Variants in MARCHF8 observed in about 807,000 individuals in gnomAD.
MARCHF8 encodes the protein membrane associated ring-CH-type finger 8.
In MARCHF8, 40 loss-of-function variants were observed where a neutral mutation model predicts 51.6. The ratio of observed to expected loss-of-function variants is 0.77; its 90% CI spans 0.60 to 1.01. MARCHF8 has a LOEUF of 1.01. Ranked by LOEUF, MARCHF8 falls within the 50% of genes least tolerant of loss-of-function variation. The pLI is 0.00. For missense variants in MARCHF8, 685 were observed against 708.6 expected, an observed-to-expected ratio of 0.97 and a Z score of 0.38; for synonymous variants, 263 against 280.3, an observed-to-expected ratio of 0.94 and a Z score of 0.62.
chr10:45,568,612 G>A (rs1014735461), intron 1 of MARCHF8, among the ~76,000 whole-genome samples: 3 of 151,702 alleles, frequency 2.0e-5, no homozygotes, highest in Admixed American at 2.0e-4. Context: ...CCAGCTACTC[G>A]GGAGACTGAG....
intron 2 of MARCHF8, among the ~76,000 whole-genome samples, chr10:45,499,540 GTTTTC>G (rs537473867): frequency 6.6e-6 from 1 of 151,986 alleles, no homozygotes; most frequent in African/African-American, 2.4e-5. Flanking sequence ...CTTTCCCTAG[GTTTTC>G]TTTTAAGAAT....
intron 1 of MARCHF8, among the ~76,000 whole-genome samples, chr10:45,547,191 A>T (rs1427005404): frequency 1.3e-5 from 2 of 152,268 alleles, no homozygotes; most frequent in African/African-American, 4.8e-5. Flanking sequence ...AAACAGATAA[A>T]GTATATGAAG....
intron 2 of MARCHF8, among the ~76,000 whole-genome samples, chr10:45,515,213 CTT>C (rs1489522596): frequency 6.6e-6 from 1 of 152,206 alleles, no homozygotes; most frequent in African/African-American, 2.4e-5. Context: ...CCAAGACAAA[CTT>C]GAACCAGAGA....
chr10:45,594,009 TTTTA>T (rs1230419834), intron 1 of MARCHF8, among the ~76,000 whole-genome samples: 1 of 152,168 alleles, frequency 6.6e-6, no homozygotes, highest in African/African-American at 2.4e-5. Context: ...AGGGTTCCAT[TTTTA>T]TTTATTTATT....
chr10:45,459,336 TAGG>T, intron 6 of MARCHF8, 69 bp from the exon 7 acceptor site: 2 of 1,521,460 alleles, frequency 1.3e-6, no homozygotes, highest in East Asian at 2.4e-5. Flanking sequence ...GAGAGCATTG[TAGG>T]TAGGTAAGAT....
intron 3 of MARCHF8, among the ~76,000 whole-genome samples, chr10:45,466,898 A>G (rs1367760145): frequency 6.6e-6 from 1 of 152,234 alleles, no homozygotes; most frequent in Non-Finnish European, 1.5e-5. Context: ...AGGAGGGCAG[A>G]GCCTCGTAAC....
intron 3 of MARCHF8, among the ~76,000 whole-genome samples, chr10:45,480,097 C>A (rs1008807258): frequency 2.6e-5 from 4 of 152,092 alleles, no homozygotes; most frequent in African/African-American, 9.7e-5. Flanking sequence ...TATGTTTTAG[C>A]AAAGAGACTG....
intron 2 of MARCHF8, among the ~76,000 whole-genome samples, chr10:45,529,660 A>G (rs1483610563): frequency 6.6e-6 from 1 of 152,258 alleles, no homozygotes; most frequent in Non-Finnish European, 1.5e-5. Context: ...GCATGAACAC[A>G]TATTTTGCAA....
At chr10:45,541,328 C>A (rs1416596939) in intron 1 of MARCHF8, among the ~76,000 whole-genome samples, 1 of 151,980 alleles carries the variant, frequency 6.6e-6, no homozygotes, top group African/African-American at 2.4e-5. Flanking sequence ...GGACAAAAAA[C>A]CAAACACCAC....
intron 3 of MARCHF8, among the ~76,000 whole-genome samples, chr10:45,469,059 T>C (rs1843068783): frequency 6.6e-6 from 1 of 152,110 alleles, no homozygotes; most frequent in South Asian, 2.1e-4. Flanking sequence ...CCCATCACCT[T>C]GGAGCTGAGG....
chr10:45,478,568 TAA>T (rs3086168), intron 3 of MARCHF8, among the ~76,000 whole-genome samples: 1 of 130,056 alleles, frequency 7.7e-6, no homozygotes. Context: ...AAATAGGAGC[TAA>T]AAAAAAAAAA....
At chr10:45,494,917 C>T (rs1340581575) in intron 2 of MARCHF8, among the ~76,000 whole-genome samples, 2 of 152,064 alleles carry the variant, frequency 1.3e-5, no homozygotes, top group Admixed American at 1.3e-4. Flanking sequence ...GTCAGGAGTT[C>T]GAGACCAGCC....
At chr10:45,539,654 C>G (rs1243792334), upstream of MARCHF8, among the ~76,000 whole-genome samples, 1 of 152,166 alleles carries the variant, frequency 6.6e-6, no homozygotes, top group Non-Finnish European at 1.5e-5. Flanking sequence ...ACTGATCCCA[C>G]AGAAATACCA....
chr10:45,461,348 G>A lies in MARCHF8; in HGVS notation c.1152C>T (p.Ser384=), dbSNP rs766641595. 6.2e-7 allele frequency: 1 copy of A among 1,607,070 alleles called. No individual in the cohort carries two copies. The highest frequency in any genetic ancestry group is 1.1e-5 in the South Asian group (1 of 90,032). ...PLITPCHCTG[S]LHFVHQACLQ... ...GGCAGGCCTGGTGCACGAAGTGGAG[G>A]CTTCCTGTGCAGTGGCAGGGGGTGA... is the stretch of plus-strand genomic sequence containing the variant. The change falls in exon 6 of 8, where the codon AGC becomes AGT. Residue 384 remains serine (S), a synonymous_variant. Transcript: ENST00000453424.
Position 45,495,741 on chromosome 10 carries a change from AGGAGG to A in MARCHF8, c.103-6329_103-6325del, listed in dbSNP as rs1278290916. On this transcript the variant is annotated intron_variant, in intron 2 of 7. Coordinates refer to ENST00000453424, the MANE Select transcript of MARCHF8 (RefSeq NM_001282866.2). ...AAGCTTTCTTATCTCTTAATTTGTT[AGGAGG>A]GGAGGGGAGGGGAGGGGAGGGGATG... Among the ~76,000 whole-genome samples the A allele has an allele frequency of 9.0e-3, 510 of 56,730 alleles. 6 individuals are homozygous for A. Among genetic ancestry groups the A allele is most frequent in the Admixed American group, 0.023 (86 of 3,726 alleles). 37.2% of individuals were successfully genotyped at this position (56,730 alleles called of 152,430 possible). A position where few individuals can be genotyped will look rare whatever the true frequency, so the allele number is the denominator to read the frequency against.
intron 1 of MARCHF8, among the ~76,000 whole-genome samples, chr10:45,580,788 C>T (rs75820736): frequency 6.6e-6 from 1 of 152,126 alleles, no homozygotes; most frequent in East Asian, 1.9e-4. Flanking sequence ...GTATTGTGCG[C>T]TAGGACCACC....
At chr10:45,583,938 G>A (rs1423692425) in intron 1 of MARCHF8, among the ~76,000 whole-genome samples, 5 of 148,822 alleles carry the variant, frequency 3.4e-5, no homozygotes, top group Admixed American at 6.7e-5. Flanking sequence ...CTGGAGGGGC[G>A]GAGGTTGCAG....
At chr10:45,571,849 A>G (rs1197387557) in intron 1 of MARCHF8, among the ~76,000 whole-genome samples, 1 of 152,082 alleles carries the variant, frequency 6.6e-6, no homozygotes, top group Non-Finnish European at 1.5e-5. Context: ...TCTGGTAGAG[A>G]CAAAGGAGAC....
chr10:45,469,815 A>G (rs1843104953), intron 3 of MARCHF8, among the ~76,000 whole-genome samples: 1 of 128,832 alleles, frequency 7.8e-6, no homozygotes, highest in Non-Finnish European at 1.6e-5. Flanking sequence ...CAGTGAGCCG[A>G]GATCGCGCCA....
Sources: allele counts gnomAD v4.1 joint callset (sites outside exome capture counted in the v4.1 genomes callset), GRCh38; gene constraint gnomAD v4.1.1; transcripts MANE v1.5; gene names NCBI Gene and HGNC (gene_info 2026-07-23, HGNC 2026-07-21).